DPPA4: variants seen among roughly 807,000 people sequenced by gnomAD.
The protein encoded by DPPA4 is developmental pluripotency associated 4.
A neutral mutation model predicts 33.7 loss-of-function variants in DPPA4; 22 were observed. The observed-to-expected ratio is 0.65, with a 90% CI of 0.47 to 0.93. DPPA4 has a LOEUF of 0.93. Among genes scored for constraint, DPPA4 ranks in the 40% least tolerant of loss-of-function variants. The pLI is 0.00. For synonymous variants in DPPA4, 156 were observed against 132.3 expected (o/e 1.18, Z -1.23); for missense variants, 340 against 358.6 (o/e 0.95, Z 0.42).
At chr3:109,335,812 G>A (rs539591788) in intron 1 of DPPA4, among the ~76,000 whole-genome samples, 42 of 151,958 alleles carry the variant, frequency 2.8e-4, no homozygotes, top group African/African-American at 8.0e-4. Context: ...GAGAATCAGA[G>A]GTAACATAAA....
chr3:109,328,057 AG>A (rs1165516605), intron 6 of DPPA4, 33 bp from the exon 7 acceptor site: 19 of 1,357,726 alleles, frequency 1.4e-5, no homozygotes, highest in Non-Finnish European at 1.6e-5. Flanking sequence ...GTTTTTAAAA[AG>A]AATGAAGAAA....
chr3:109,337,589 C>G (rs1708241421), upstream of DPPA4: 2 of 1,364,590 alleles, frequency 1.5e-6, no homozygotes, highest in Admixed American at 3.4e-5. Context: ...GCCCGAAGAC[C>G]CTTTTTCTCT....
rs748410641 is a variant in DPPA4, at chr3:109,330,817, A to G, written c.391-5T>C. 1.3e-6 allele frequency: 2 copies of G among 1,589,480 alleles called. No homozygotes were observed. The highest frequency in any genetic ancestry group is 8.5e-7 in the Non-Finnish European group (1 of 1,170,844). ...TTTTGCTGTGCTAGGAAAATCCTAC[A>G]AAAAGGGTTAAATAATAAAGATAAA... is the stretch of plus-strand genomic sequence containing the variant. On this transcript the variant is annotated splice_polypyrimidine_tract_variant and splice_region_variant and intron_variant, in intron 4 of 6. Coordinates refer to ENST00000335658, the MANE Select transcript of DPPA4 (RefSeq NM_018189.4).
At chr3:109,333,778 G>C in intron 2 of DPPA4, 92 bp downstream of exon 2, 1 of 1,475,706 alleles carries the variant, frequency 6.8e-7, no homozygotes. Context: ...ATACATGATG[G>C]AAATTTCTTC....
chr3:109,334,622 G>A (rs532325979), intron 1 of DPPA4, among the ~76,000 whole-genome samples: 4 of 151,812 alleles, frequency 2.6e-5, no homozygotes, highest in East Asian at 3.9e-4. Flanking sequence ...CATTCTTGAC[G>A]CCTTCCAAAT....
Position 109,327,878 on chromosome 3 carries a change from C to G in DPPA4, c.*110G>C. ...CTGCCACCCCACCAGTCTGCATGGC[C>G]CATAAACAGGTGCAGAGGACCAGAG... On this transcript the variant is annotated 3_prime_UTR_variant, in exon 7 of 7. Transcript: ENST00000335658. 2.5e-6 allele frequency: 2 copies of G among 805,816 alleles called. No homozygotes were observed. Among genetic ancestry groups the G allele is most frequent in the Non-Finnish European group, 2.1e-6 (1 of 467,536 alleles). 49.9% of individuals were successfully genotyped at this position (805,816 alleles called of 1,614,324 possible).
chr3:109,330,326 A>G lies in DPPA4; in HGVS notation c.679+198T>C, dbSNP rs1471726610. On this transcript the variant is annotated intron_variant, in intron 5 of 6. Coordinates refer to ENST00000335658, the MANE Select transcript of DPPA4 (RefSeq NM_018189.4). Reference sequence around the variant, plus strand: ...AAAAAAAAAAAAAAAAAAAAAAAAAAAAAAAGGAAAAAAAAAAAAGAAATG... The same window carrying G: ...AAAAAAAAAAAAAAAAAAAAAAAAAGAAAAAGGAAAAAAAAAAAAGAAATG... 2.2e-5 allele frequency: 8 copies of G among 361,030 alleles called. 2 individuals carry two copies. Among genetic ancestry groups the G allele is most frequent in the Non-Finnish European group, 2.9e-5 (6 of 209,052 alleles). The allele number at this position is 361,030 out of a possible 1,614,324, so 22.4% of individuals were successfully genotyped here.
rs1274195347 is a variant in DPPA4 at position 109,326,358 on chromosome 3, G to A, written c.*1630C>T. On this transcript the variant is annotated 3_prime_UTR_variant, in exon 7 of 7. Transcript: ENST00000335658. ...AAAAGGAACAATACACATAGTATAA[G>A]AAAAAATGTCTATTATTTATTACAC... The A allele has an allele frequency of 6.6e-6, 1 of 151,048 alleles. No homozygotes were observed. The highest frequency in any genetic ancestry group is 1.9e-4 in the East Asian group (1 of 5,186). 9.4% of individuals were successfully genotyped at this position (151,048 alleles called of 1,614,324 possible).
chr3:109,330,873 C>CCAAGGGT (rs112463757), intron 4 of DPPA4, 61 bp from the exon 5 acceptor site: 151 of 1,446,988 alleles, frequency 1.0e-4, no homozygotes, highest in Middle Eastern at 2.6e-4. Context: ...CAAAAATGGC[C>CCAAGGGT]TAAGGAGCTC....
intron 5 of DPPA4, chr3:109,330,127 C>A (rs1017836296): frequency 4.2e-6 from 1 of 237,342 alleles, no homozygotes. Flanking sequence ...CATGGAGAAA[C>A]CCCATCTCTA....
chr3:109,337,590 C>G (rs1708241454), upstream of DPPA4: 3 of 1,338,246 alleles, frequency 2.2e-6, no homozygotes, highest in Middle Eastern at 1.8e-4. Context: ...CCCGAAGACC[C>G]TTTTTCTCTC....
intron 2 of DPPA4, among the ~76,000 whole-genome samples, chr3:109,333,047 T>C (rs1255758489): frequency 6.7e-6 from 1 of 150,108 alleles, no homozygotes; most frequent in Non-Finnish European, 1.5e-5. Flanking sequence ...GATCGTGCCA[T>C]AAAAATTTCT....
In DPPA4 at chr3:109,337,005, A is replaced by C. The variant is rs376171242; in HGVS notation, c.54+459T>G. On this transcript the variant is annotated intron_variant, in intron 1 of 6. Transcript: ENST00000335658. ...AACCCCCGACTCCCGGGTTCAAGCG[A>C]TTCTCCTGCCTCAGCCTCCCGAGTA... Among the ~76,000 whole-genome samples, 7 of 152,184 alleles carry C rather than the reference A, an allele frequency of 4.6e-5. No individual in the cohort carries two copies. In the East Asian group the frequency reaches 1.4e-3, roughly 29 times the overall value.
upstream of DPPA4, among the ~76,000 whole-genome samples, chr3:109,339,073 C>G (rs1364423186): frequency 4.0e-5 from 6 of 151,768 alleles, no homozygotes; most frequent in Non-Finnish European, 7.4e-5. Context: ...TGCCTGTAAT[C>G]CCAGCTACCA....
rs1409692862 is a variant in DPPA4, at chr3:109,330,670, G to C, written c.533C>G (p.Ala178Gly). The C allele has an allele frequency of 4.3e-6, 7 of 1,614,028 alleles. No individual in the cohort carries two copies. The highest frequency in any genetic ancestry group is 5.9e-6 in the Non-Finnish European group (7 of 1,180,038). Reference protein sequence around the residue: ...VALPPVGEPPALENSTALLEG... With the variant: ...VALPPVGEPPGLENSTALLEG... ...AAGGAGAGCAGTGGAATTTTCCAGGGCAGGCGGCTCCCCCACAGGAGGAAG... is the reference window on the plus strand; with the variant it reads ...AAGGAGAGCAGTGGAATTTTCCAGGCCAGGCGGCTCCCCCACAGGAGGAAG... Residue 178 changes from alanine (A) to glycine (G), a missense_variant, in exon 5 of 7, where the codon GCC (alanine) becomes GGC (glycine). Around this residue, in one of 3 missense-constraint regions of DPPA4, gnomAD observed 212 missense variants for 206.5 expected, o/e 1.03. Transcript: ENST00000335658.
chr3:109,326,331 A>G lies in DPPA4; in HGVS notation c.*1657T>C, dbSNP rs1472582861. ...AGCAGGGGAGAAGTTTAAAAAGGAA[A>G]CAAAAGGAACAATACACATAGTATA... On this transcript the variant is annotated 3_prime_UTR_variant, in exon 7 of 7. Transcript: ENST00000335658. 2 of 152,152 alleles carry G rather than the reference A, an allele frequency of 1.3e-5. No individual in the cohort carries two copies. Among genetic ancestry groups the G allele is most frequent in the African/African-American group, 2.4e-5 (1 of 41,408 alleles). The allele number at this position is 152,152 out of a possible 1,614,324, so 9.4% of individuals were successfully genotyped here.
intron 6 of DPPA4, 25 bp from the exon 7 acceptor site, chr3:109,328,049 T>C (rs1472155942): frequency 7.1e-7 from 1 of 1,403,824 alleles, no homozygotes; most frequent in Non-Finnish European, 1.0e-6. Context: ...AAGTATTTGT[T>C]TTTAAAAAGA....
At position 109,337,505 on chromosome 3, in the gene DPPA4, A is replaced by T; in HGVS notation, c.13T>A (p.Ser5Thr). ...TTCTCCATACTTGTAGAAGAAGCGG[A>T]GCCTCGCAACATGCTTCCAAAATGG... MLRG[S>T]ASSTSMEKAK... Residue 5 changes from serine to threonine, a missense_variant, in exon 1 of 7, where the codon TCC becomes ACC. Ser to Thr is a moderately conservative substitution (Grantham distance 58, BLOSUM62 1). Transcript: ENST00000335658. The T allele has an allele frequency of 6.2e-7, 1 of 1,614,118 alleles. No individual in the cohort carries two copies. Among genetic ancestry groups the T allele is most frequent in the Non-Finnish European group, 8.5e-7 (1 of 1,180,010 alleles).
At chr3:109,337,560 T>C (rs536924479), upstream of DPPA4, 3 of 1,597,452 alleles carry the variant, frequency 1.9e-6, no homozygotes, top group Non-Finnish European at 2.6e-6. Context: ...ATTTGCAAAG[T>C]CTCCTCCCAC....
Sources: gnomAD v4.1 joint callset for allele counts (sites outside exome capture counted in the v4.1 genomes callset) on GRCh38, gnomAD v4.1.1 for gene constraint, gnomAD v4.1.1 regional missense constraint, MANE v1.5 for transcripts, NCBI Gene and HGNC (gene_info 2026-07-23, HGNC 2026-07-21) for gene names.